The following ZNF804B variants were observed in gnomAD, a reference collection of about 807,000 sequenced individuals.
The protein encoded by ZNF804B is zinc finger 804B.
A neutral mutation model predicts 101.4 loss-of-function variants in ZNF804B; 80 were observed. That is an observed-to-expected ratio of 0.79 (90% CI 0.66 to 0.95). The LOEUF is 0.95. Ranked by LOEUF, ZNF804B falls within the 40% of genes least tolerant of loss-of-function variation. The probability of loss-of-function intolerance (pLI) is 0.00; values close to 1 mark genes in which losing one functional copy is unlikely to be tolerated. For synonymous variants in ZNF804B, 622 were observed against 558.8 expected, an observed-to-expected ratio of 1.11 and a Z score of -1.59; for missense variants, 1,673 against 1,561.9, an observed-to-expected ratio of 1.07 and a Z score of -1.20.
At position 88,805,736 on chromosome 7, in the gene ZNF804B, A is replaced by G. The variant is rs148869118; in HGVS notation, c.108+45652A>G. 4.6e-3 allele frequency among the ~76,000 whole-genome samples: 707 copies of G among 152,282 alleles called. 6 individuals are homozygous for G. The highest frequency in any genetic ancestry group is 0.011 in the South Asian group (55 of 4,818). On this transcript the variant is annotated intron_variant, in intron 1 of 3. Coordinates refer to ENST00000333190, the MANE Select transcript of ZNF804B (RefSeq NM_181646.5). ...AGAGTAAGAATGCAGTGGTATGGGA[A>G]GTATAGGCACCTGTCCTCCATCATC...
At chr7:88,887,702 A>C (rs777791399) in intron 1 of ZNF804B, among the ~76,000 whole-genome samples, 1 of 151,976 alleles carries the variant, frequency 6.6e-6, no homozygotes, top group Non-Finnish European at 1.5e-5. Context: ...TATTATGCCC[A>C]GCTTATGTTT....
At chr7:89,005,344 T>TTTG (rs920706016) in intron 1 of ZNF804B, among the ~76,000 whole-genome samples, 1 of 151,884 alleles carries the variant, frequency 6.6e-6, no homozygotes, top group South Asian at 2.1e-4. Context: ...CATCACAGAT[T>TTTG]TTGTTGTTGT....
intron 1 of ZNF804B, among the ~76,000 whole-genome samples, chr7:88,791,944 T>C (rs1562794461): frequency 6.6e-6 from 1 of 152,044 alleles, no homozygotes; most frequent in East Asian, 1.9e-4. Context: ...CCAGGTTTAC[T>C]GGAAGCCTGG....
At chr7:88,944,538 A>T (rs1171777030) in intron 1 of ZNF804B, among the ~76,000 whole-genome samples, 1 of 151,706 alleles carries the variant, frequency 6.6e-6, no homozygotes, top group African/African-American at 2.4e-5. Flanking sequence ...GCATCTGGAG[A>T]TTTAACCAAC....
chr7:89,053,126 C>A (rs1789234868), intron 1 of ZNF804B, among the ~76,000 whole-genome samples: 1 of 152,068 alleles, frequency 6.6e-6, no homozygotes, highest in East Asian at 1.9e-4. Context: ...TAGAATGTTT[C>A]TTACAGAATT....
At chr7:88,853,847 CTTAA>C (rs1791482083) in intron 1 of ZNF804B, among the ~76,000 whole-genome samples, 2 of 151,986 alleles carry the variant, frequency 1.3e-5, no homozygotes, top group South Asian at 4.1e-4. Flanking sequence ...ATTATGCTTA[CTTAA>C]TTCTAACATT....
chr7:88,876,611 C>G (rs1385103605), intron 1 of ZNF804B, among the ~76,000 whole-genome samples: 2 of 152,116 alleles, frequency 1.3e-5, no homozygotes, highest in South Asian at 2.1e-4. Flanking sequence ...TCCCTCACTT[C>G]TTTACTCTCT....
rs368080829 is a variant in ZNF804B, at chr7:89,024,624, A to G, written c.109-193531A>G. Among the ~76,000 whole-genome samples the G allele has an allele frequency of 3.7e-3, 516 of 137,650 alleles. 5 individuals carry two copies. Among genetic ancestry groups the G allele is most frequent in the African/African-American group, 0.013 (489 of 37,190 alleles). The allele number at this position is 137,650 out of a possible 152,430, so 90.3% of individuals were successfully genotyped here. On this transcript the variant is annotated intron_variant, in intron 1 of 3. Coordinates refer to ENST00000333190, the MANE Select transcript of ZNF804B (RefSeq NM_181646.5). The stretch of plus-strand genomic sequence containing the variant: ...TTTTTTTTTTTTTTTTTTTACAAAA[A>G]GTTTTCAAAGTCCTCTCAGAGAAGA...
At chr7:89,034,381 C>T (rs1788888419) in intron 1 of ZNF804B, among the ~76,000 whole-genome samples, 1 of 152,030 alleles carries the variant, frequency 6.6e-6, no homozygotes. Context: ...ACAATTTCTC[C>T]TAATGCTATC....
intron 1 of ZNF804B, among the ~76,000 whole-genome samples, chr7:88,802,769 T>C (rs1004839770): frequency 6.6e-6 from 1 of 151,712 alleles, no homozygotes; most frequent in African/African-American, 2.4e-5. Context: ...CAGAACATTG[T>C]GGCAGAAGAA....
At chr7:89,016,465 T>C (rs1788560747) in intron 1 of ZNF804B, among the ~76,000 whole-genome samples, 1 of 151,720 alleles carries the variant, frequency 6.6e-6, no homozygotes. Context: ...GTTTTTATGG[T>C]TTTAGGTCTA....
chr7:88,829,205 C>T (rs1242663248), intron 1 of ZNF804B, among the ~76,000 whole-genome samples: 2 of 152,086 alleles, frequency 1.3e-5, no homozygotes, highest in East Asian at 1.9e-4. Flanking sequence ...CTCCTCCCAC[C>T]TCAACCTCCC....
intron 1 of ZNF804B, among the ~76,000 whole-genome samples, chr7:89,001,716 T>C (rs1788291737): frequency 6.6e-6 from 1 of 151,964 alleles, no homozygotes; most frequent in African/African-American, 2.4e-5. Context: ...AAATAGTTAC[T>C]TTCATTTAAA....
intron 1 of ZNF804B, among the ~76,000 whole-genome samples, chr7:88,913,237 A>G (rs1349969146): frequency 6.6e-6 from 1 of 152,208 alleles, no homozygotes; most frequent in African/African-American, 2.4e-5. Flanking sequence ...TAATTAAATT[A>G]TTGAAATAGT....
At chr7:89,020,404 T>C (rs745757704) in intron 1 of ZNF804B, among the ~76,000 whole-genome samples, 12 of 152,184 alleles carry the variant, frequency 7.9e-5, no homozygotes, top group Non-Finnish European at 1.8e-4. Context: ...TCACCTGACC[T>C]TTAAGATTTC....
At chr7:88,783,381 A>G (rs1352744749) in intron 1 of ZNF804B, among the ~76,000 whole-genome samples, 6 of 152,074 alleles carry the variant, frequency 3.9e-5, no homozygotes, top group East Asian at 1.9e-4. Flanking sequence ...CCACACTCCT[A>G]TTGATTAGTG....
chr7:89,081,644 G>A (rs899858343), intron 1 of ZNF804B, among the ~76,000 whole-genome samples: 10 of 151,694 alleles, frequency 6.6e-5, no homozygotes, highest in Admixed American at 2.0e-4. Flanking sequence ...TATAGCTGGG[G>A]ATTCACATAA....
At chr7:88,876,283 C>G (rs1791938270) in intron 1 of ZNF804B, among the ~76,000 whole-genome samples, 1 of 152,162 alleles carries the variant, frequency 6.6e-6, no homozygotes, top group Non-Finnish European at 1.5e-5. Flanking sequence ...TTAAGTGACT[C>G]TTTCCTATCA....
chr7:89,066,848 C>T (rs370678834), intron 1 of ZNF804B, among the ~76,000 whole-genome samples: 2 of 151,820 alleles, frequency 1.3e-5, no homozygotes, highest in Admixed American at 6.6e-5. Flanking sequence ...CCGCAACCTC[C>T]GCCTCCTGGG....
Sources: allele counts gnomAD v4.1 joint callset (sites outside exome capture counted in the v4.1 genomes callset), GRCh38; gene constraint gnomAD v4.1.1; transcripts MANE v1.5; gene names NCBI Gene and HGNC (gene_info 2026-07-23, HGNC 2026-07-21).